The following CACNB4 variants were observed in gnomAD, a reference collection of about 807,000 sequenced individuals.
The protein encoded by CACNB4 is calcium voltage-gated channel auxiliary subunit beta 4.
Under a neutral mutation model 71.2 loss-of-function variants are expected in CACNB4, and 32 were observed. The ratio of observed to expected loss-of-function variants is 0.45; its 90% confidence interval spans 0.34 to 0.60. CACNB4 has a LOEUF of 0.60. CACNB4 is among the 20% of genes least tolerant of loss of function. CACNB4 has a pLI of 0.01. For missense variants in CACNB4, 464 were observed against 647.9 expected (o/e 0.72, Z 3.08); for synonymous variants, 231 against 236.9 (o/e 0.97, Z 0.23).
intron 2 of CACNB4, among the ~76,000 whole-genome samples, chr2:151,902,188 T>C (rs938135295): frequency 6.6e-6 from 1 of 152,088 alleles, no homozygotes; most frequent in Admixed American, 6.6e-5. Flanking sequence ...CACGCCACCA[T>C]GTATGACTAA....
intron 2 of CACNB4, among the ~76,000 whole-genome samples, chr2:151,998,694 G>A (rs1218312335): frequency 6.6e-6 from 1 of 152,202 alleles, no homozygotes. Context: ...AATGCATACA[G>A]CCAATAATAG....
chr2:151,842,470 AC>A (rs1425171560), intron 12 of CACNB4, among the ~76,000 whole-genome samples: 1 of 151,756 alleles, frequency 6.6e-6, no homozygotes, highest in African/African-American at 2.4e-5. Context: ...AGCTGGGATT[AC>A]AGGCGCCTGC....
chr2:151,852,540 C>T (rs141123613), intron 12 of CACNB4: 1 of 152,244 alleles, frequency 6.6e-6, no homozygotes, highest in African/African-American at 2.4e-5. Context: ...ACAGCTTTAC[C>T]ACATATTCAC....
chr2:151,846,736 G>T (rs1421440348), intron 12 of CACNB4, among the ~76,000 whole-genome samples: 2 of 151,916 alleles, frequency 1.3e-5, no homozygotes, highest in African/African-American at 4.8e-5. Flanking sequence ...GTAGTTTTTG[G>T]TAGGGATGGG....
intron 2 of CACNB4, among the ~76,000 whole-genome samples, chr2:152,087,692 A>G (rs915608259): frequency 3.9e-5 from 6 of 152,198 alleles, no homozygotes; most frequent in African/African-American, 1.4e-4. Context: ...AGCCTTGGCA[A>G]CATAGCAAGA....
At chr2:152,087,895 G>A (rs993489174) in intron 2 of CACNB4, among the ~76,000 whole-genome samples, 3 of 151,878 alleles carry the variant, frequency 2.0e-5, no homozygotes, top group African/African-American at 7.3e-5. Context: ...AAAAAAGAAA[G>A]AGACAGAGAA....
intron 13 of CACNB4, among the ~76,000 whole-genome samples, chr2:151,840,971 C>G (rs1031282043): frequency 6.6e-6 from 1 of 152,182 alleles, no homozygotes; most frequent in African/African-American, 2.4e-5. Context: ...CTATCTCTAC[C>G]TCTGAGTGCA....
rs558347340 is a variant in CACNB4, at chr2:152,028,451, T to C, written c.147+69879A>G. Among the ~76,000 whole-genome samples, 49 of 152,368 alleles carry C rather than the reference T, an allele frequency of 3.2e-4. 1 individual carries two copies. In the South Asian group the frequency reaches 9.3e-3, roughly 29 times the overall value. ...ACAGCACAAGCCTAACTAGTTCTACTGTAGCCTGTGGACAAATCTCTCCAT... is the reference window on the plus strand; with the variant it reads ...ACAGCACAAGCCTAACTAGTTCTACCGTAGCCTGTGGACAAATCTCTCCAT... On this transcript the variant is annotated intron_variant, in intron 2 of 13. Coordinates refer to ENST00000539935, the MANE Select transcript of CACNB4 (RefSeq NM_000726.5).
intron 2 of CACNB4, among the ~76,000 whole-genome samples, chr2:152,000,282 T>A (rs1682323241): frequency 6.6e-6 from 1 of 152,124 alleles, no homozygotes. Flanking sequence ...AGCAGCAAAA[T>A]GTGGGGGCTA....
At chr2:152,064,464 T>C (rs1686188305) in intron 2 of CACNB4, among the ~76,000 whole-genome samples, 1 of 152,238 alleles carries the variant, frequency 6.6e-6, no homozygotes, top group Admixed American at 6.5e-5. Flanking sequence ...CACTGCAACC[T>C]CTGCCTCCCA....
rs768385119 is a variant in CACNB4 at position 151,839,212 on chromosome 2, T to G, written c.1470A>C (p.Glu490Asp). ...TGTCCTGGTATGAGTCAGGGTAATC[T>G]TCTTCCACAAGAGGGTAATGATCTC... ...HSRDHYPLVE[E>D]DYPDSYQDTY... The change falls in exon 14 of 14, where the codon GAA becomes GAC. Residue 490 changes from glutamate (E) to aspartate (D), a missense_variant. Transcript: ENST00000539935. 1.2e-6 allele frequency: 2 copies of G among 1,613,760 alleles called. No individual in the cohort carries two copies. Among genetic ancestry groups the G allele is most frequent in the Non-Finnish European group, 1.7e-6 (2 of 1,179,696 alleles).
intron 2 of CACNB4, among the ~76,000 whole-genome samples, chr2:151,979,060 A>G (rs544273521): frequency 1.3e-5 from 2 of 152,128 alleles, no homozygotes; most frequent in African/African-American, 4.8e-5. Context: ...ATCTTGCTCC[A>G]TCATCCCCAC....
intron 2 of CACNB4, among the ~76,000 whole-genome samples, chr2:152,035,276 G>A (rs914877627): frequency 2.0e-5 from 3 of 152,066 alleles, no homozygotes; most frequent in African/African-American, 4.8e-5. Flanking sequence ...AAATATATTC[G>A]CAGGCCGGGA....
At chr2:151,940,105 T>C (rs1224912233) in intron 2 of CACNB4, among the ~76,000 whole-genome samples, 1 of 152,188 alleles carries the variant, frequency 6.6e-6, no homozygotes, top group East Asian at 1.9e-4. Context: ...TTAACATAAA[T>C]ATATGTGCAC....
chr2:151,843,895 G>A (rs1358063662), intron 12 of CACNB4, among the ~76,000 whole-genome samples: 1 of 152,162 alleles, frequency 6.6e-6, no homozygotes, highest in Non-Finnish European at 1.5e-5. Context: ...CTATTTAAAT[G>A]TTTCATCACA....
At chr2:151,946,351 A>T (rs947906367) in intron 2 of CACNB4, among the ~76,000 whole-genome samples, 1 of 151,326 alleles carries the variant, frequency 6.6e-6, no homozygotes, top group African/African-American at 2.4e-5. Context: ...AAGGCTCCCA[A>T]TGAGGCTTCA....
In CACNB4 at chr2:151,848,854, G is replaced by C. The variant is rs1034852810; in HGVS notation, c.1116+4594C>G. ...CTTTTCTTCTTATTACCATAGTACT[G>C]GGGAAGTTTACACTTGGCCTTCTTA... is the stretch of plus-strand genomic sequence containing the variant. On this transcript the variant is annotated intron_variant, in intron 12 of 13. Transcript: ENST00000539935. 4.6e-5 allele frequency among the ~76,000 whole-genome samples: 7 copies of C among 152,128 alleles called. No individual in the cohort carries two copies. In the South Asian group the frequency reaches 8.3e-4, roughly 18 times the overall value.
intron 2 of CACNB4, among the ~76,000 whole-genome samples, chr2:151,898,795 A>G (rs949735462): frequency 2.1e-4 from 32 of 152,208 alleles, no homozygotes; most frequent in African/African-American, 7.2e-4. Flanking sequence ...AAATGGCTGG[A>G]TTTGAAATAA....
chr2:151,939,807 CCT>C (rs1357206366), intron 2 of CACNB4, among the ~76,000 whole-genome samples: 2 of 152,018 alleles, frequency 1.3e-5, no homozygotes, highest in African/African-American at 4.8e-5. Context: ...TGAAATTCAC[CCT>C]GTTATGAAAG....
Sources: allele counts gnomAD v4.1 joint callset (sites outside exome capture counted in the v4.1 genomes callset), GRCh38; gene constraint gnomAD v4.1.1; transcripts MANE v1.5; gene names NCBI Gene and HGNC (gene_info 2026-07-23, HGNC 2026-07-21).